CHD4: variants seen among roughly 807,000 people sequenced by gnomAD.
CHD4 encodes the protein chromodomain helicase DNA binding protein 4.
A neutral mutation model predicts 235.5 loss-of-function variants in CHD4; 35 were observed. The observed-to-expected ratio is 0.15, with a 90% CI of 0.11 to 0.20. The LOEUF is 0.20. Ranked by LOEUF, CHD4 falls within the 10% of genes least tolerant of loss-of-function variation. The probability of loss-of-function intolerance (pLI) is 1.00; values close to 1 mark genes in which losing one functional copy is unlikely to be tolerated. For missense variants in CHD4, 1,329 were observed against 2,432.3 expected, an observed-to-expected ratio of 0.55 and a Z score of 9.54; for synonymous variants, 900 against 850.2, an observed-to-expected ratio of 1.06 and a Z score of -1.02.
At chr12:6,577,621 C>T (rs1489995542) in intron 37 of CHD4, 164 bp downstream of exon 37, 3 of 855,572 alleles carry the variant, frequency 3.5e-6, no homozygotes, top group East Asian at 2.6e-5. Context: ...ACTTTCAATT[C>T]TGTGTGTCTT....
chr12:6,593,668 C>T lies in CHD4; in HGVS notation c.2314-52G>A, dbSNP rs764414531. Reference sequence around the variant, plus strand: ...ACTGAGGGCCCCAGCACACTGCAACCCCAGCGAACACCCACCACCCTGCTG... The same window carrying T: ...ACTGAGGGCCCCAGCACACTGCAACTCCAGCGAACACCCACCACCCTGCTG... On this transcript the variant is annotated intron_variant, in intron 15 of 39. Transcript: ENST00000544040. This position sits in a 1 kb window ranked among gnomAD's most constrained non-coding sequence, Gnocchi z 4.9. 2 of 1,542,402 alleles carry T rather than the reference C, an allele frequency of 1.3e-6. No individual in the cohort carries two copies. Among genetic ancestry groups the T allele is most frequent in the South Asian group, 2.3e-5 (2 of 88,832 alleles).
At chr12:6,596,877 T>G (rs566549169) in intron 12 of CHD4, among the ~76,000 whole-genome samples, 1 of 150,092 alleles carries the variant, frequency 6.7e-6, no homozygotes, top group East Asian at 2.0e-4. Context: ...GAGAATCACT[T>G]GAGCCTGAGA....
rs2136213885 is a variant in CHD4, at chr12:6,592,058, C to T, written c.2949-1G>A. 1 of 1,614,098 alleles carries T rather than the reference C, an allele frequency of 6.2e-7. No individual in the cohort carries two copies. The highest frequency in any genetic ancestry group is 8.5e-7 in the Non-Finnish European group (1 of 1,180,022). Reference sequence around the variant, plus strand: ...AGTGAGGATGTACTTGTAGTATTTCCTACATGGGCAAGGTAGAAAGACAGG... The same window carrying T: ...AGTGAGGATGTACTTGTAGTATTTCTTACATGGGCAAGGTAGAAAGACAGG... On this transcript the variant is annotated splice_acceptor_variant, in intron 19 of 39. Transcript: ENST00000544040. LOFTEE classifies it high-confidence loss of function.
chr12:6,570,952 G>C lies in CHD4; in HGVS notation c.5638C>G (p.Pro1880Ala). Residue 1880 changes from proline to alanine, a missense_variant, in exon 39 of 40, where the codon CCA becomes GCA. Physicochemically the swap from Pro to Ala is conservative, Grantham distance 27. This residue lies in a region of CHD4 where 135 missense variants were observed against 282.3 expected (regional missense o/e 0.48). Coordinates refer to ENST00000544040, the MANE Select transcript of CHD4 (RefSeq NM_001273.5). Reference sequence around the variant, plus strand: ...GACATCTGTAACCTCACAGCAACTGGGGGAATTCGGGCAATGGTAGCTGGG... The same window carrying C: ...GACATCTGTAACCTCACAGCAACTGCGGGAATTCGGGCAATGGTAGCTGGG... ...RLPATIARIP[P>A]VAVRLQMSER... 1 of 1,614,134 alleles carries C rather than the reference G, an allele frequency of 6.2e-7. No individual in the cohort carries two copies. The highest frequency in any genetic ancestry group is 8.5e-7 in the Non-Finnish European group (1 of 1,180,012).
rs1193646044 is a variant in CHD4, at chr12:6,598,210, T to A, written c.1686+12A>T. The A allele has an allele frequency of 6.2e-7, 1 of 1,611,628 alleles. No homozygotes were observed. Among genetic ancestry groups the A allele is most frequent in the Non-Finnish European group, 8.5e-7 (1 of 1,178,252 alleles). ...TCGTAGCCCCTACATCTCCAGACTA[T>A]CCTAAACTTACCTGCAGTTCAGAAA... On this transcript the variant is annotated intron_variant, in intron 11 of 39. Coordinates refer to ENST00000544040, the MANE Select transcript of CHD4 (RefSeq NM_001273.5).
Position 6,578,079 on chromosome 12 carries a change from A to T in CHD4, c.5178T>A (p.Tyr1726Ter). The T allele has an allele frequency of 6.2e-7, 1 of 1,613,372 alleles. No individual in the cohort carries two copies. The highest frequency in any genetic ancestry group is 8.5e-7 in the Non-Finnish European group (1 of 1,180,020). Residue 1726 changes from tyrosine (Y) to a stop codon, truncating the protein, a stop_gained, in exon 36 of 40, where the codon TAT (tyrosine) becomes TAA (stop). Transcript: ENST00000544040. LOFTEE classifies it high-confidence loss of function. Reference sequence around the variant, plus strand: ...AGTCATGCCGTCGATGCCAGATCTCATAAGTCTTCTTGGTAACTGTGGCTG... The same window carrying T: ...AGTCATGCCGTCGATGCCAGATCTCTTAAGTCTTCTTGGTAACTGTGGCTG... ...ERAATVTKKTYEIWHRRHDYW... is the reference protein window; with the variant it reads ...ERAATVTKKT
chr12:6,581,186 A>AAAAAAC lies in CHD4; in HGVS notation c.4780-19_4780-14dup, dbSNP rs775084830. The AAAAAAC allele has an allele frequency of 6.2e-7, 1 of 1,610,328 alleles. No individual in the cohort carries two copies. Among genetic ancestry groups the AAAAAAC allele is most frequent in the African/African-American group, 1.3e-5 (1 of 74,496 alleles). ...GGGCCTGTGTACACTTCAAAGGAAA[A>AAAAAAC]AAAAACAAAAACAAAACAGATGAAG... On this transcript the variant is annotated splice_polypyrimidine_tract_variant and intron_variant, in intron 32 of 39. Coordinates refer to ENST00000544040, the MANE Select transcript of CHD4 (RefSeq NM_001273.5).
At chr12:6,589,458 G>C (rs1378366909) in intron 22 of CHD4, among the ~76,000 whole-genome samples, 1 of 152,188 alleles carries the variant, frequency 6.6e-6, no homozygotes, top group African/African-American at 2.4e-5. Context: ...CCGTCCCCCA[G>C]TATGATGAAC....
In CHD4 at chr12:6,577,767, TCCTC is replaced by T. The variant is rs932499522; in HGVS notation, c.5361+14_5361+17del. The stretch of plus-strand genomic sequence containing the variant: ...CAAGTTTGTCACTTAAGCAATATAT[TCCTC>T]CCCAACCGCTCACCTTAAACCTTCG... On this transcript the variant is annotated intron_variant, in intron 37 of 39. Coordinates refer to ENST00000544040, the MANE Select transcript of CHD4 (RefSeq NM_001273.5). The T allele has an allele frequency of 5.6e-6, 9 of 1,613,804 alleles. No homozygotes were observed. The highest frequency in any genetic ancestry group is 7.6e-6 in the Non-Finnish European group (9 of 1,179,862).
intron 3 of CHD4, 89 bp downstream of exon 3, chr12:6,602,283 TGAGA>T: frequency 1.2e-6 from 2 of 1,601,052 alleles, no homozygotes; most frequent in Non-Finnish European, 1.7e-6. Context: ...CCACCACTTC[TGAGA>T]AAGAAACAAA....
At chr12:6,604,963 C>T (rs571556181) in intron 2 of CHD4, among the ~76,000 whole-genome samples, 15 of 152,302 alleles carry the variant, frequency 9.8e-5, no homozygotes, top group Non-Finnish European at 1.9e-4. Flanking sequence ...ACCAGCACCA[C>T]AACTCCGCCC....
intron 25 of CHD4, among the ~76,000 whole-genome samples, chr12:6,585,669 G>T (rs1948275865): frequency 6.6e-6 from 1 of 151,140 alleles, no homozygotes; most frequent in Admixed American, 6.6e-5. Flanking sequence ...CGTGCCTGTA[G>T]TCCCAGCTAT....
chr12:6,595,259 G>A (rs1429203141), intron 14 of CHD4, 75 bp downstream of exon 14: 11 of 1,248,026 alleles, frequency 8.8e-6, no homozygotes, highest in Non-Finnish European at 1.3e-5. Context: ...CATTACTTAA[G>A]AGTACCATCA....
Position 6,594,046 on chromosome 12 carries a change from G to A in CHD4, c.2313+413C>T, listed in dbSNP as rs949176227. Among the ~76,000 whole-genome samples, 5 of 152,092 alleles carry A rather than the reference G, an allele frequency of 3.3e-5. No individual in the cohort carries two copies. In the East Asian group the frequency reaches 7.7e-4, roughly 23 times the overall value. On this transcript the variant is annotated intron_variant, in intron 15 of 39. Transcript: ENST00000544040. ...GACGGGGTTTCGCCATGTTGGTCAG[G>A]CTGGTCTCGAACTCCTGACCTCAGG...
chr12:6,591,318 G>A (rs959662898), intron 22 of CHD4, 148 bp downstream of exon 22: 8 of 635,930 alleles, frequency 1.3e-5, no homozygotes, highest in South Asian at 4.0e-5. Flanking sequence ...CAATACATTC[G>A]TCCAATTGAG....
At chr12:6,588,529 G>A in intron 22 of CHD4, 107 bp from the exon 23 acceptor site, 1 of 1,279,344 alleles carries the variant, frequency 7.8e-7, no homozygotes. Flanking sequence ...TGTAATCTCA[G>A]CACTTTGGGA....
intron 12 of CHD4, among the ~76,000 whole-genome samples, chr12:6,597,113 CAA>C (rs150271314): frequency 7.7e-6 from 1 of 130,460 alleles, no homozygotes; most frequent in Non-Finnish European, 1.7e-5. Context: ...ACTAAAAATA[CAA>C]AAAAAAAAAA....
chr12:6,571,343 A>T (rs970323312), intron 38 of CHD4: 8 of 301,796 alleles, frequency 2.7e-5, no homozygotes, highest in African/African-American at 6.5e-5. Context: ...CCTCCATTAT[A>T]ACAGCATTCT....
In CHD4 at chr12:6,600,582, T is replaced by C. The variant is rs1189436309; in HGVS notation, c.1015A>G (p.Ser339Gly). 2 of 1,614,132 alleles carry C rather than the reference T, an allele frequency of 1.2e-6. No homozygotes were observed. The highest frequency in any genetic ancestry group is 1.1e-5 in the South Asian group (1 of 91,078). The change falls in exon 8 of 40, where the codon AGT becomes GGT. Residue 339 changes from serine (S) to glycine (G), a missense_variant. Physicochemically the swap from Ser to Gly is moderately conservative, Grantham distance 56. Around this residue, in one of 26 missense-constraint regions of CHD4, gnomAD observed 160 missense variants for 196.6 expected, o/e 0.81. Coordinates refer to ENST00000544040, the MANE Select transcript of CHD4 (RefSeq NM_001273.5). ...YSVSDGSTSR[S>G]SRSRKKLRTT... ...CGGAGTTTCTTGCGGCTGCGGCTAC[T>C]ACGGCTGGTGGAACCATCAGAAACA... is the stretch of plus-strand genomic sequence containing the variant.
Sources: gnomAD v4.1 joint callset for allele counts (sites outside exome capture counted in the v4.1 genomes callset) on GRCh38, gnomAD v4.1.1 for gene constraint, gnomAD v4.1.1 regional missense constraint, Gnocchi (gnomAD v3.1) non-coding constraint, MANE v1.5 for transcripts, NCBI Gene and HGNC (gene_info 2026-07-23, HGNC 2026-07-21) for gene names.